The following HTRA1 variants were observed in gnomAD, a reference collection of about 807,000 sequenced individuals.
The protein encoded by HTRA1 is HtrA serine peptidase 1.
In HTRA1, 26 loss-of-function variants were observed where a neutral mutation model predicts 49.7. The ratio of observed to expected loss-of-function variants is 0.52; its 90% CI spans 0.38 to 0.73. The LOEUF (loss-of-function observed/expected upper bound fraction) is 0.73. Among genes scored for constraint, HTRA1 ranks in the 30% least tolerant of loss-of-function variants. The probability of loss-of-function intolerance (pLI) is 0.00; values close to 1 mark genes in which losing one functional copy is unlikely to be tolerated. For synonymous variants in HTRA1, 291 were observed against 286.9 expected, an observed-to-expected ratio of 1.01 and a Z score of -0.14; for missense variants, 561 against 667.2, an observed-to-expected ratio of 0.84 and a Z score of 1.75.
chr10:122,491,533 C>T (rs745660876), intron 3 of HTRA1, among the ~76,000 whole-genome samples: 10 of 152,368 alleles, frequency 6.6e-5, no homozygotes, highest in South Asian at 2.1e-4. Context: ...GCCTGGACGC[C>T]GCCCCCACTG....
chr10:122,512,482 A>G (rs938006005), intron 8 of HTRA1, among the ~76,000 whole-genome samples: 1 of 152,150 alleles, frequency 6.6e-6, no homozygotes, highest in African/African-American at 2.4e-5. Context: ...CATACCTGTC[A>G]ACACCTCCAG....
At chr10:122,492,303 GC>G (rs2097496224) in intron 3 of HTRA1, among the ~76,000 whole-genome samples, 1 of 152,112 alleles carries the variant, frequency 6.6e-6, no homozygotes, top group African/African-American at 2.4e-5. Context: ...ACTTGGAGGG[GC>G]CCCCGTTGTC....
chr10:122,484,004 C>T (rs1252261503), intron 1 of HTRA1, among the ~76,000 whole-genome samples: 5 of 152,138 alleles, frequency 3.3e-5, no homozygotes, highest in East Asian at 1.9e-4. Context: ...CAAATAAAGA[C>T]GGTTTTACAT....
intron 1 of HTRA1, among the ~76,000 whole-genome samples, chr10:122,463,683 CA>C (rs2097482590): frequency 1.3e-5 from 2 of 152,216 alleles, no homozygotes; most frequent in South Asian, 4.1e-4. Context: ...TCCCGTTTTA[CA>C]GATAGCGGAG....
Position 122,462,029 on chromosome 10 carries a change from A to G in HTRA1, c.377A>G (p.Tyr126Cys). 1 of 1,532,874 alleles carries G rather than the reference A, an allele frequency of 6.5e-7. No homozygotes were observed. Among genetic ancestry groups the G allele is most frequent in the Non-Finnish European group, 8.7e-7 (1 of 1,146,302 alleles). The allele number at this position is 1,532,874 out of a possible 1,614,324, so 95.0% of individuals were successfully genotyped here. The part of the protein sequence containing the change: ...EPVCGSDANT[Y>C]ANLCQLRAAS... Reference sequence around the variant, plus strand: ...GTGTGCGGCAGCGACGCCAACACCTACGCCAACCTGTGCCAGCTGCGCGCC... The same window carrying G: ...GTGTGCGGCAGCGACGCCAACACCTGCGCCAACCTGTGCCAGCTGCGCGCC... The change falls in exon 1 of 9, where the codon TAC becomes TGC. Residue 126 changes from tyrosine (Y) to cysteine (C), a missense_variant. Tyr to Cys is a radical substitution (Grantham distance 194). Around this residue, in one of 3 missense-constraint regions of HTRA1, gnomAD observed 271 missense variants for 410.0 expected, o/e 0.66. Coordinates refer to ENST00000368984, the MANE Select transcript of HTRA1 (RefSeq NM_002775.5).
Position 122,514,593 on chromosome 10 carries a change from GC to G in HTRA1, c.*235del, listed in dbSNP as rs2097507092. 3.8e-6 allele frequency: 2 copies of G among 531,626 alleles called. No homozygotes were observed. Among genetic ancestry groups the G allele is most frequent in the Admixed American group, 3.1e-5 (1 of 32,436 alleles). The allele number at this position is 531,626 out of a possible 1,614,324, so 32.9% of individuals were successfully genotyped here. A position where few individuals can be genotyped will look rare whatever the true frequency, so the allele number is the denominator to read the frequency against. On this transcript the variant is annotated 3_prime_UTR_variant, in exon 9 of 9. Transcript: ENST00000368984. ...CTTCTGTATCCTATGTATGCAGTGT[GC>G]TTTTTCTTGCCAGCTTGGGCCATTC...
In HTRA1 at chr10:122,494,170, G is replaced by A. The variant is rs1484857225; in HGVS notation, c.777+4544G>A. Among the ~76,000 whole-genome samples, 1 of 152,174 alleles carries A rather than the reference G, an allele frequency of 6.6e-6. No individual in the cohort carries two copies. The highest frequency in any genetic ancestry group is 2.4e-5 in the African/African-American group (1 of 41,432). ...CCTCGTCTATTTATCACAATTTAGA[G>A]TCGCCTCACTCATTTGTCAAATGAA... On this transcript the variant is annotated intron_variant, in intron 3 of 8. Transcript: ENST00000368984. This position sits in a 1 kb window ranked among gnomAD's most constrained non-coding sequence, Gnocchi z 4.0.
chr10:122,485,456 GGA>G (rs1170160497), intron 1 of HTRA1, among the ~76,000 whole-genome samples: 2 of 152,200 alleles, frequency 1.3e-5, no homozygotes, highest in Non-Finnish European at 2.9e-5. Flanking sequence ...AGCACGCTGG[GGA>G]GAGGAAGAGA....
Position 122,494,248 on chromosome 10 carries a change from C to T in HTRA1, c.777+4622C>T, listed in dbSNP as rs910283812. On this transcript the variant is annotated intron_variant, in intron 3 of 8. Transcript: ENST00000368984. This position sits in a 1 kb window ranked among gnomAD's most constrained non-coding sequence, Gnocchi z 4.0. The stretch of plus-strand genomic sequence containing the variant: ...TTGGGGGCACATCCGGCTGTCGGTC[C>T]TCAGGTAGGAGGTGCTTGGCAACCT... Among the ~76,000 whole-genome samples, 12 of 152,180 alleles carry T rather than the reference C, an allele frequency of 7.9e-5. No individual in the cohort carries two copies. The highest frequency in any genetic ancestry group is 1.6e-4 in the Non-Finnish European group (11 of 68,040).
intron 1 of HTRA1, among the ~76,000 whole-genome samples, chr10:122,474,507 G>A (rs1042831229): frequency 2.0e-5 from 3 of 152,144 alleles, no homozygotes; most frequent in African/African-American, 7.2e-5. Context: ...AACCCGGGTG[G>A]GCACTGCCTC....
chr10:122,495,573 AT>A (rs1450489730), intron 3 of HTRA1, among the ~76,000 whole-genome samples: 1 of 152,120 alleles, frequency 6.6e-6, no homozygotes, highest in Non-Finnish European at 1.5e-5. Context: ...TCAGAACTGG[AT>A]CCCCTGTGTG....
chr10:122,467,809 T>C (rs1351083592), intron 1 of HTRA1, among the ~76,000 whole-genome samples: 6 of 151,998 alleles, frequency 3.9e-5, no homozygotes, highest in African/African-American at 1.4e-4. Flanking sequence ...ATCCTATTAA[T>C]AGAGAAACCG....
intron 8 of HTRA1, 28 bp downstream of exon 8, chr10:122,512,093 C>T: frequency 6.7e-7 from 1 of 1,489,140 alleles, no homozygotes. Flanking sequence ...TCTCTTTTCC[C>T]AATATTCTTG....
chr10:122,476,476 T>C (rs1413800173), intron 1 of HTRA1, among the ~76,000 whole-genome samples: 1 of 152,216 alleles, frequency 6.6e-6, no homozygotes, highest in Admixed American at 6.5e-5. Context: ...CTCAGGTGCC[T>C]GTGGCTCGTC....
chr10:122,466,315 G>A (rs1565407386), intron 1 of HTRA1, among the ~76,000 whole-genome samples: 1 of 152,008 alleles, frequency 6.6e-6, no homozygotes, highest in Non-Finnish European at 1.5e-5. Context: ...ACAGGCACCC[G>A]CCACCACGCC....
intron 3 of HTRA1, among the ~76,000 whole-genome samples, chr10:122,491,483 G>A (rs1461065322): frequency 6.6e-6 from 1 of 152,274 alleles, no homozygotes; most frequent in African/African-American, 2.4e-5. Context: ...TTGGGAGGCA[G>A]CCAGCAGCAG....
intron 1 of HTRA1, among the ~76,000 whole-genome samples, chr10:122,467,041 G>C (rs1337351292): frequency 6.6e-6 from 1 of 152,238 alleles, no homozygotes; most frequent in Admixed American, 6.5e-5. Context: ...CATTGAGTAA[G>C]TGATGGTGGC....
In HTRA1 at chr10:122,510,119, T is replaced by C. The variant is rs775104013; in HGVS notation, c.1144T>C (p.Tyr382His). ...AGGAAAAGCCATCACCAAGAAGAAG[T>C]ATATTGGTATCCGAATGATGTCACT... ...AKGKAITKKK[Y>H]IGIRMMSLTS... Residue 382 changes from tyrosine (Y) to histidine (H), a missense_variant, in exon 7 of 9, where the codon TAT becomes CAT. Around this residue, in one of 3 missense-constraint regions of HTRA1, gnomAD observed 179 missense variants for 173.4 expected, o/e 1.03. Transcript: ENST00000368984. The C allele has an allele frequency of 9.9e-6, 16 of 1,613,924 alleles. No homozygotes were observed. The highest frequency in any genetic ancestry group is 1.3e-5 in the Non-Finnish European group (15 of 1,179,868).
intron 8 of HTRA1, among the ~76,000 whole-genome samples, chr10:122,512,653 A>G (rs2097506171): frequency 6.6e-6 from 1 of 152,230 alleles, no homozygotes; most frequent in Non-Finnish European, 1.5e-5. Context: ...CTGCTTTTAT[A>G]TGGAGCTGTG....
Sources: gnomAD v4.1 joint callset for allele counts (sites outside exome capture counted in the v4.1 genomes callset) on GRCh38, gnomAD v4.1.1 for gene constraint, gnomAD v4.1.1 regional missense constraint, Gnocchi (gnomAD v3.1) non-coding constraint, MANE v1.5 for transcripts, NCBI Gene and HGNC (gene_info 2026-07-23, HGNC 2026-07-21) for gene names.